MADD: variants seen among roughly 807,000 people sequenced by gnomAD.
MADD encodes the protein MAP kinase activating death domain.
A neutral mutation model predicts 176.7 loss-of-function variants in MADD; 109 were observed. That is an observed-to-expected ratio of 0.62 (90% CI 0.53 to 0.72). The LOEUF (loss-of-function observed/expected upper bound fraction) is 0.72. Among genes scored for constraint, MADD ranks in the 30% least tolerant of loss-of-function variants. The pLI is 0.00. For synonymous variants in MADD, 771 were observed against 771.3 expected, an observed-to-expected ratio of 1.00 and a Z score of 0.01; for missense variants, 1,914 against 2,045.5, an observed-to-expected ratio of 0.94 and a Z score of 1.24.
chr11:47,315,226 C>T (rs927975676), exon 27 of MADD: 32 of 1,609,510 alleles, frequency 2.0e-5, no homozygotes, highest in Non-Finnish European at 2.7e-5. Flanking sequence ...TCAGAATGGA[C>T]GCGATCTCTC....
intron 1 of MADD, among the ~76,000 whole-genome samples, chr11:47,273,199 T>C (rs1027624201): frequency 1.3e-5 from 2 of 152,254 alleles, no homozygotes; most frequent in African/African-American, 4.8e-5. Context: ...GGAGGGATCC[T>C]GAGAGTGACT....
intron 25 of MADD, among the ~76,000 whole-genome samples, chr11:47,311,091 T>C (rs1185667575): frequency 1.3e-5 from 2 of 152,190 alleles, no homozygotes; most frequent in African/African-American, 4.8e-5. Context: ...AGAAGAGTTC[T>C]GCTCTGAAAG....
At chr11:47,324,658 A>G (rs1455613190) in intron 30 of MADD, 81 bp downstream of exon 33, 4 of 937,266 alleles carry the variant, frequency 4.3e-6, no homozygotes, top group Non-Finnish European at 6.8e-6. Context: ...GTACTTCCCC[A>G]GCAAGCATGA....
In MADD at chr11:47,324,657, C is replaced by T. The variant is rs541402888; in HGVS notation, c.4542+80C>T. The T allele has an allele frequency of 9.9e-5, 95 of 964,184 alleles. 1 individual carries two copies. The East Asian group carries it at 2.3e-3, about 23-fold the overall frequency. 59.7% of individuals were successfully genotyped at this position (964,184 alleles called of 1,614,324 possible). On this transcript the variant is annotated intron_variant, in intron 30 of 32. Coordinates refer to ENST00000402192, the Ensembl canonical transcript of MADD. Reference sequence around the variant, plus strand: ...AATGTCCAAGCCCCCAGTACTTCCCCAGCAAGCATGAGAGAGGGCCCTCTG... The same window carrying T: ...AATGTCCAAGCCCCCAGTACTTCCCTAGCAAGCATGAGAGAGGGCCCTCTG...
chr11:47,296,099 G>A (rs920025545), intron 22 of MADD, 44 bp downstream of exon 24: 10 of 1,594,752 alleles, frequency 6.3e-6, no homozygotes, highest in Non-Finnish European at 8.6e-6. Context: ...TCTTTAATGG[G>A]GGAGGGAAGC....
At chr11:47,287,782 A>ATTT (rs57417064) in intron 15 of MADD, among the ~76,000 whole-genome samples, 100 of 54,998 alleles carry the variant, frequency 1.8e-3, no homozygotes, top group South Asian at 5.3e-3. Flanking sequence ...AGAAACATGT[A>ATTT]TTTTTTTTTT....
At chr11:47,290,185 C>A (rs1225691836) in exon 18 of MADD, 1 of 1,614,140 alleles carries the variant, frequency 6.2e-7, no homozygotes, top group East Asian at 2.2e-5. Flanking sequence ...AATGTTAGAC[C>A]TCCTCAAGTG....
At chr11:47,272,478 T>G (rs1057015372) in intron 1 of MADD, 1 of 151,928 alleles carries the variant, frequency 6.6e-6, no homozygotes, top group Non-Finnish European at 1.5e-5. Flanking sequence ...GAGTAGAGGG[T>G]GTGTGTGTGT....
intron 5 of MADD, among the ~76,000 whole-genome samples, chr11:47,277,098 T>TA (rs2050709045): frequency 6.6e-6 from 1 of 152,238 alleles, no homozygotes; most frequent in Non-Finnish European, 1.5e-5. Flanking sequence ...CAGCAGGTGT[T>TA]ACGTGTGTTA....
intron 10 of MADD, among the ~76,000 whole-genome samples, chr11:47,283,765 G>A: frequency 6.6e-6 from 1 of 152,054 alleles, no homozygotes; most frequent in East Asian, 1.9e-4. Flanking sequence ...TAGAGACAAG[G>A]TTTCACCATG....
intron 22 of MADD, among the ~76,000 whole-genome samples, chr11:47,303,577 C>T (rs960054253): frequency 1.4e-5 from 2 of 141,548 alleles, no homozygotes; most frequent in Admixed American, 7.2e-5. Context: ...TGACTTTTGA[C>T]AATTTGACTG....
intron 31 of MADD, chr11:47,328,080 G>C: frequency 3.0e-6 from 3 of 996,116 alleles, no homozygotes; most frequent in Non-Finnish European, 3.6e-6. Context: ...GCAGGTCTGG[G>C]CTTCTCCTGC....
chr11:47,316,778 C>G (rs1419464886), intron 27 of MADD, among the ~76,000 whole-genome samples: 1 of 151,910 alleles, frequency 6.6e-6, no homozygotes. Context: ...GAGTGTTGCT[C>G]TTTTGCTCAG....
chr11:47,286,364 T>A, intron 14 of MADD, 69 bp from the exon 15 acceptor site: 1 of 962,896 alleles, frequency 1.0e-6, no homozygotes. Context: ...CAGATGCTGA[T>A]AGTCATTAGT....
chr11:47,276,681 T>C (rs2050235644), intron 4 of MADD, 51 bp from the exon 5 acceptor site: 2 of 1,598,058 alleles, frequency 1.3e-6, no homozygotes, highest in Non-Finnish European at 1.7e-6. Context: ...TGTTTTCTTG[T>C]AAACCATATT....
chr11:47,305,549 G>A (rs1234461714), intron 22 of MADD, among the ~76,000 whole-genome samples: 2 of 152,152 alleles, frequency 1.3e-5, no homozygotes, highest in Non-Finnish European at 1.5e-5. Flanking sequence ...CTCAGTGGCA[G>A]CTCAGGTCCC....
rs76750725 is a variant in MADD, at chr11:47,329,219, G to A, written c.*69G>A. ...GGCCCCTTGCTGTTCCCAAGTGCAC[G>A]ATGCTGCTGTGACTGAGGAGTGGAT... On this transcript the variant is annotated 3_prime_UTR_variant, in exon 33 of 33. Coordinates refer to ENST00000402192, the Ensembl canonical transcript of MADD. 1,113 of 1,167,592 alleles carry A rather than the reference G, an allele frequency of 9.5e-4. 5 individuals carry two copies. In the African/African-American group the frequency reaches 0.015, roughly 16 times the overall value. The allele number at this position is 1,167,592 out of a possible 1,614,324, so 72.3% of individuals were successfully genotyped here. A position where few individuals can be genotyped will look rare whatever the true frequency, so the allele number is the denominator to read the frequency against.
At chr11:47,274,604 T>A (rs1409969293) in exon 3 of MADD, 2 of 1,614,006 alleles carry the variant, frequency 1.2e-6, no homozygotes, top group East Asian at 4.5e-5. Flanking sequence ...CCTGAATTGC[T>A]ACGGCGATAC....
intron 3 of MADD, 64 bp from the exon 4 acceptor site, chr11:47,275,835 T>C: frequency 6.9e-7 from 1 of 1,450,670 alleles, no homozygotes; most frequent in Non-Finnish European, 9.5e-7. Context: ...GTGGTGATAC[T>C]GAGTTGCAGT....
Sources: allele counts gnomAD v4.1 joint callset (sites outside exome capture counted in the v4.1 genomes callset), GRCh38; gene constraint gnomAD v4.1.1; transcripts MANE v1.5; gene names NCBI Gene and HGNC (gene_info 2026-07-23, HGNC 2026-07-21).